The following PTPRT variants were observed in gnomAD, a reference collection of about 807,000 sequenced individuals.
The protein encoded by PTPRT is receptor-type tyrosine-protein phosphatase T.
A neutral mutation model predicts 176.8 loss-of-function variants in PTPRT; 56 were observed. The observed-to-expected ratio is 0.32, with a 90% confidence interval of 0.26 to 0.40. The LOEUF (loss-of-function observed/expected upper bound fraction) is 0.40. PTPRT is among the 10% of genes least tolerant of loss of function. The probability of loss-of-function intolerance (pLI) is 1.00; values close to 1 mark genes in which losing one functional copy is unlikely to be tolerated. For missense variants in PTPRT, 1,540 were observed against 1,908.2 expected (o/e 0.81, Z 3.60); for synonymous variants, 783 against 739.0 (o/e 1.06, Z -0.96).
chr20:42,647,816 A>C (rs1258665090), intron 7 of PTPRT, among the ~76,000 whole-genome samples: 1 of 152,188 alleles, frequency 6.6e-6, no homozygotes. Flanking sequence ...AGATTTCAGA[A>C]CTAAAAGAAC....
At chr20:42,290,561 T>A (rs536228675) in intron 12 of PTPRT, among the ~76,000 whole-genome samples, 4 of 152,246 alleles carry the variant, frequency 2.6e-5, no homozygotes, top group Admixed American at 6.5e-5. Context: ...TGCGTCTGGT[T>A]TTAGCTACTG....
At chr20:43,106,451 A>G (rs1022524825) in intron 1 of PTPRT, among the ~76,000 whole-genome samples, 2 of 152,074 alleles carry the variant, frequency 1.3e-5, no homozygotes, top group African/African-American at 2.4e-5. Context: ...TGAGGTCAGG[A>G]GTTCGAACCA....
chr20:42,208,536 A>C (rs1600678348), intron 15 of PTPRT, among the ~76,000 whole-genome samples: 1 of 152,204 alleles, frequency 6.6e-6, no homozygotes, highest in African/African-American at 2.4e-5. Flanking sequence ...AAAGATCAAA[A>C]GAGACAAAGA....
chr20:42,655,157 A>C (rs1344141791), intron 7 of PTPRT, among the ~76,000 whole-genome samples: 1 of 146,936 alleles, frequency 6.8e-6, no homozygotes, highest in Non-Finnish European at 1.5e-5. Context: ...ATCATCATCT[A>C]CTGGAAAAGA....
chr20:42,484,357 TC>T (rs2071434398), intron 7 of PTPRT, among the ~76,000 whole-genome samples: 1 of 152,226 alleles, frequency 6.6e-6, no homozygotes, highest in Non-Finnish European at 1.5e-5. Flanking sequence ...GCTATTTTTT[TC>T]TTTCTTAACT....
At chr20:42,292,505 G>A (rs2057332672) in intron 12 of PTPRT, among the ~76,000 whole-genome samples, 1 of 152,024 alleles carries the variant, frequency 6.6e-6, no homozygotes, top group Non-Finnish European at 1.5e-5. Context: ...CTGTGAGGTG[G>A]ATACGACAAT....
chr20:42,131,690 A>G (rs1988129576), intron 18 of PTPRT, among the ~76,000 whole-genome samples: 1 of 152,226 alleles, frequency 6.6e-6, no homozygotes, highest in Non-Finnish European at 1.5e-5. Flanking sequence ...AGGGATTAAG[A>G]AAGTGCTATC....
At chr20:42,972,931 T>A (rs1047683483) in intron 1 of PTPRT, among the ~76,000 whole-genome samples, 1 of 152,138 alleles carries the variant, frequency 6.6e-6, no homozygotes, top group Non-Finnish European at 1.5e-5. Flanking sequence ...AGAAACTGGA[T>A]ATTTAATTTT....
At chr20:43,161,078 A>T (rs1389952826) in intron 1 of PTPRT, among the ~76,000 whole-genome samples, 2 of 152,200 alleles carry the variant, frequency 1.3e-5, no homozygotes, top group East Asian at 3.8e-4. Flanking sequence ...CTATACTTAC[A>T]TTATACTAAT....
chr20:42,868,643 G>A (rs183285153), intron 2 of PTPRT, among the ~76,000 whole-genome samples: 5 of 152,300 alleles, frequency 3.3e-5, no homozygotes, highest in Admixed American at 3.3e-4. Flanking sequence ...CAGTGTGGCT[G>A]AGTCAATGTT....
intron 9 of PTPRT, among the ~76,000 whole-genome samples, chr20:42,403,012 C>T (rs2058924410): frequency 6.6e-6 from 1 of 152,058 alleles, no homozygotes; most frequent in African/African-American, 2.4e-5. Context: ...ATTCTCAATG[C>T]AATACTTACG....
intron 2 of PTPRT, among the ~76,000 whole-genome samples, chr20:42,817,171 C>T (rs932332341): frequency 1.3e-5 from 2 of 152,136 alleles, no homozygotes; most frequent in Non-Finnish European, 1.5e-5. Context: ...CAGTAGACAA[C>T]ATATTAAGTT....
intron 16 of PTPRT, among the ~76,000 whole-genome samples, chr20:42,180,631 AG>A (rs548515551): frequency 4.3e-4 from 65 of 152,330 alleles, no homozygotes; most frequent in African/African-American, 1.5e-3. Context: ...ATAATATGTC[AG>A]GCACATAGTA....
intron 8 of PTPRT, among the ~76,000 whole-genome samples, chr20:42,470,487 C>G (rs141001434): frequency 0.01 from 1,553 of 152,250 alleles, 11 homozygotes; most frequent in Middle Eastern, 0.034. Context: ...CACATGCACA[C>G]GAATCTTCAT....
At chr20:42,576,475 A>G (rs948029637) in intron 7 of PTPRT, among the ~76,000 whole-genome samples, 1 of 152,050 alleles carries the variant, frequency 6.6e-6, no homozygotes, top group Admixed American at 6.5e-5. Context: ...ACTCTCTCTC[A>G]CAATAGGAGG....
At chr20:42,756,377 A>G in intron 6 of PTPRT, 85 bp downstream of exon 6, 1 of 1,294,472 alleles carries the variant, frequency 7.7e-7, no homozygotes, top group South Asian at 1.9e-5. Context: ...AATGTGGGGG[A>G]GGATCAGCAG....
At chr20:42,581,530 TA>T (rs11468207) in intron 7 of PTPRT, among the ~76,000 whole-genome samples, 11,033 of 133,502 alleles carry the variant, frequency 0.083, 962 homozygotes, top group African/African-American at 0.23. Flanking sequence ...GGTGGCTGCA[TA>T]AAAAAAAAAA....
At chr20:42,124,828 G>A (rs747106240) in intron 19 of PTPRT, among the ~76,000 whole-genome samples, 2 of 152,196 alleles carry the variant, frequency 1.3e-5, no homozygotes, top group African/African-American at 4.8e-5. Context: ...GGAGTTGCTT[G>A]TGGTTGGCTT....
At chr20:42,684,944 C>T (rs545207367) in intron 6 of PTPRT, among the ~76,000 whole-genome samples, 2 of 152,224 alleles carry the variant, frequency 1.3e-5, no homozygotes, top group Admixed American at 6.5e-5. Context: ...TCTGACTGCC[C>T]TTAGTGTTCT....
Sources: allele counts gnomAD v4.1 joint callset (sites outside exome capture counted in the v4.1 genomes callset), GRCh38; gene constraint gnomAD v4.1.1; transcripts MANE v1.5; gene names NCBI Gene and HGNC (gene_info 2026-07-23, HGNC 2026-07-21).